Variants in FBXW7 observed in about 807,000 individuals in gnomAD.
FBXW7 encodes the protein F-box/WD repeat-containing protein 7.
Under a neutral mutation model 86.3 loss-of-function variants are expected in FBXW7, and 11 were observed. The observed-to-expected ratio is 0.13, with a 90% CI of 0.08 to 0.21. The LOEUF is 0.21. Among genes scored for constraint, FBXW7 ranks in the 10% least tolerant of loss-of-function variants. The pLI is 1.00. For synonymous variants in FBXW7, 313 were observed against 297.9 expected (o/e 1.05, Z -0.52); for missense variants, 488 against 847.4 (o/e 0.58, Z 5.27).
intron 2 of FBXW7, among the ~76,000 whole-genome samples, chr4:152,517,886 C>G (rs1373551518): frequency 6.6e-6 from 1 of 152,200 alleles, no homozygotes; most frequent in Non-Finnish European, 1.5e-5. Flanking sequence ...AAGTACTTAT[C>G]TGATTCTTTC....
At chr4:152,449,930 C>T (rs1247359869) in intron 2 of FBXW7, among the ~76,000 whole-genome samples, 1 of 152,144 alleles carries the variant, frequency 6.6e-6, no homozygotes, top group Non-Finnish European at 1.5e-5. Context: ...CCAATGATTG[C>T]TAATGTAAGA....
chr4:152,341,947 AATTT>A (rs1730786914), intron 6 of FBXW7, among the ~76,000 whole-genome samples: 1 of 152,188 alleles, frequency 6.6e-6, no homozygotes, highest in Non-Finnish European at 1.5e-5. Context: ...ATTAGGTTAC[AATTT>A]AACCTCTTCA....
intron 2 of FBXW7, among the ~76,000 whole-genome samples, chr4:152,418,019 T>C (rs1009261216): frequency 1.3e-5 from 2 of 152,064 alleles, no homozygotes; most frequent in African/African-American, 4.8e-5. Flanking sequence ...TTAAGAGTAC[T>C]GATATCAAAA....
At position 152,326,993 on chromosome 4, in the gene FBXW7, G is replaced by C. The variant is rs185719073; in HGVS notation, c.1419-762C>G. Among the ~76,000 whole-genome samples, 7 of 152,094 alleles carry C rather than the reference G, an allele frequency of 4.6e-5. No homozygotes were observed. The East Asian group carries it at 1.4e-3, about 29-fold the overall frequency. ...CCCTTAAACATTTGGTTCAACATCA[G>C]CGCTATACTCTTCTGAAAACCAGAG... On this transcript the variant is annotated intron_variant, in intron 11 of 13. Coordinates refer to ENST00000281708, the MANE Select transcript of FBXW7 (RefSeq NM_001349798.2).
intron 4 of FBXW7, among the ~76,000 whole-genome samples, chr4:152,385,721 AG>A (rs918018616): frequency 1.1e-4 from 16 of 152,066 alleles, no homozygotes; most frequent in Admixed American, 8.5e-4. Flanking sequence ...GGTAAGCACA[AG>A]GGGGTAACAT....
At chr4:152,486,128 A>T (rs1314409017) in intron 2 of FBXW7, among the ~76,000 whole-genome samples, 4 of 152,150 alleles carry the variant, frequency 2.6e-5, no homozygotes, top group African/African-American at 9.7e-5. Context: ...AAGATTTTTT[A>T]AAATCATATG....
intron 4 of FBXW7, among the ~76,000 whole-genome samples, chr4:152,362,823 T>G (rs1733100693): frequency 1.1e-5 from 1 of 89,058 alleles, no homozygotes; most frequent in Non-Finnish European, 2.4e-5. Context: ...TGAAACTCTC[T>G]CTCTCAAAAA....
At position 152,332,578 on chromosome 4, in the gene FBXW7, T is replaced by G; in HGVS notation, c.985+18A>C. ...TTTCAAAGTATAAACATATTCTCTATGCAATTTTGAACCTTACCCTCTTCT... is the reference window on the plus strand; with the variant it reads ...TTTCAAAGTATAAACATATTCTCTAGGCAATTTTGAACCTTACCCTCTTCT... On this transcript the variant is annotated intron_variant, in intron 8 of 13. Coordinates refer to ENST00000281708, the MANE Select transcript of FBXW7 (RefSeq NM_001349798.2). The G allele has an allele frequency of 5.1e-6, 8 of 1,558,032 alleles. No homozygotes were observed. The highest frequency in any genetic ancestry group is 7.0e-6 in the Non-Finnish European group (8 of 1,145,416).
At chr4:152,324,444 C>T in intron 12 of FBXW7, 50 bp from the exon 13 acceptor site, 1 of 1,408,942 alleles carries the variant, frequency 7.1e-7, no homozygotes, top group Non-Finnish European at 9.8e-7. Context: ...CTCTTCCTAT[C>T]AATTACTGAC....
At chr4:152,325,039 AAC>A (rs1728887934) in intron 12 of FBXW7, 1 of 152,356 alleles carries the variant, frequency 6.6e-6, no homozygotes, top group Non-Finnish European at 1.5e-5. Context: ...AAAAGTCAAT[AAC>A]AGTCTATCAT....
At chr4:152,348,530 A>C (rs1039832841) in intron 5 of FBXW7, 1 of 164,744 alleles carries the variant, frequency 6.1e-6, no homozygotes, top group African/African-American at 2.4e-5. Context: ...AACAGGCTAA[A>C]AATAAAACTT....
chr4:152,403,967 C>G (rs56683584), intron 4 of FBXW7, among the ~76,000 whole-genome samples: 2,441 of 152,274 alleles, frequency 0.016, 75 homozygotes, highest in African/African-American at 0.056. Flanking sequence ...TAAATATCTT[C>G]AAAACAAGAA....
chr4:152,465,420 T>C lies in FBXW7; in HGVS notation c.-119-52891A>G, dbSNP rs532760978. Among the ~76,000 whole-genome samples, 5 of 152,350 alleles carry C rather than the reference T, an allele frequency of 3.3e-5. No individual in the cohort carries two copies. The South Asian group carries it at 1.0e-3, about 32-fold the overall frequency. ...AACAATTGGAGGTAGCTCTCAATTA[T>C]GTCTTTTCCTTACTGTCATCACAAT... is the stretch of plus-strand genomic sequence containing the variant. On this transcript the variant is annotated intron_variant, in intron 2 of 13. Transcript: ENST00000281708.
At chr4:152,352,401 A>G (rs1731899281) in intron 4 of FBXW7, 2 of 1,591,672 alleles carry the variant, frequency 1.3e-6, no homozygotes, top group Admixed American at 3.4e-5. Context: ...CTCTGATGAT[A>G]CAGATTTTCC....
Position 152,352,374 on chromosome 4 carries a change from G to A in FBXW7, c.502-2250C>T, listed in dbSNP as rs904540526. 2.2e-5 allele frequency: 33 copies of A among 1,487,940 alleles called. No homozygotes were observed. The African/African-American group carries it at 4.5e-4, about 20-fold the overall frequency. The allele number at this position is 1,487,940 out of a possible 1,614,324, so 92.2% of individuals were successfully genotyped here. ...GACATCCAGCCACCCACCAAAATTAGAGGATACTGCAGCCATCTCTGATGA... is the reference window on the plus strand; with the variant it reads ...GACATCCAGCCACCCACCAAAATTAAAGGATACTGCAGCCATCTCTGATGA... On this transcript the variant is annotated intron_variant, in intron 4 of 13. Coordinates refer to ENST00000281708, the MANE Select transcript of FBXW7 (RefSeq NM_001349798.2).
chr4:152,464,945 T>C (rs1402607154), intron 2 of FBXW7, among the ~76,000 whole-genome samples: 2 of 152,234 alleles, frequency 1.3e-5, no homozygotes, highest in Non-Finnish European at 2.9e-5. Context: ...AAAAACAGTA[T>C]TGGCAATTAG....
intron 4 of FBXW7, among the ~76,000 whole-genome samples, chr4:152,380,924 C>G (rs907864114): frequency 2.6e-5 from 4 of 151,886 alleles, no homozygotes; most frequent in Non-Finnish European, 5.9e-5. Context: ...ATAAAATACT[C>G]AAATCAGAGC....
chr4:152,455,412 T>G (rs1294268059), intron 2 of FBXW7, among the ~76,000 whole-genome samples: 1 of 152,200 alleles, frequency 6.6e-6, no homozygotes, highest in Non-Finnish European at 1.5e-5. Flanking sequence ...ATGTTCACAT[T>G]TCCACCAACA....
intron 2 of FBXW7, among the ~76,000 whole-genome samples, chr4:152,514,507 A>C (rs1476706369): frequency 6.6e-6 from 1 of 152,184 alleles, no homozygotes; most frequent in Non-Finnish European, 1.5e-5. Flanking sequence ...TCCAAATCTC[A>C]GGTTGAAATC....
Sources: allele counts gnomAD v4.1 joint callset (sites outside exome capture counted in the v4.1 genomes callset), GRCh38; gene constraint gnomAD v4.1.1; transcripts MANE v1.5; gene names NCBI Gene and HGNC (gene_info 2026-07-23, HGNC 2026-07-21).